The following LRRIQ1 variants were observed in gnomAD, a reference collection of about 807,000 sequenced individuals.
LRRIQ1 encodes leucine-rich repeat- and IQ domain-containing protein 1.
A neutral mutation model predicts 211.9 loss-of-function variants in LRRIQ1; 210 were observed. The observed-to-expected ratio is 0.99, with a 90% CI of 0.89 to 1.11. The LOEUF (loss-of-function observed/expected upper bound fraction) is 1.11, where lower values mean the gene tolerates loss of function less well. Among genes scored for constraint, LRRIQ1 ranks in the 50% most tolerant of loss-of-function variants. The probability of loss-of-function intolerance (pLI) is 0.00; values close to 1 mark genes in which losing one functional copy is unlikely to be tolerated. For missense variants in LRRIQ1, 2,136 were observed against 1,939.5 expected, an observed-to-expected ratio of 1.10 and a Z score of -1.90; for synonymous variants, 699 against 650.1, an observed-to-expected ratio of 1.08 and a Z score of -1.14.
intron 19 of LRRIQ1, among the ~76,000 whole-genome samples, chr12:85,138,822 A>G (rs1182104361): frequency 6.6e-6 from 1 of 151,548 alleles, no homozygotes; most frequent in African/African-American, 2.4e-5. Context: ...TCTTTCATCT[A>G]CCTATATGAC....
chr12:85,239,174 T>A (rs1895342615), intron 26 of LRRIQ1, among the ~76,000 whole-genome samples: 1 of 152,054 alleles, frequency 6.6e-6, no homozygotes, highest in Non-Finnish European at 1.5e-5. Context: ...CCCCAAATGT[T>A]CTGTAGATTC....
chr12:85,047,315 C>A lies in LRRIQ1; in HGVS notation c.523C>A (p.Gln175Lys), dbSNP rs748495987. 14 of 1,609,046 alleles carry A rather than the reference C, an allele frequency of 8.7e-6. No individual in the cohort carries two copies. Among genetic ancestry groups the A allele is most frequent in the South Asian group, 1.1e-5 (1 of 90,530 alleles). ...ATGTAGACAGTCTTTTGAGGCTTGG[C>A]AAGAGAAACAGAAGGAATTAGAAGA... ...EKCRQSFEAW[Q>K]EKQKELEDKE... The change falls in exon 6 of 27, where the codon CAA (glutamine) becomes AAA (lysine). Residue 175 changes from glutamine (Q) to lysine (K), a missense_variant. By Grantham distance (53) the Gln-to-Lys change is moderately conservative. Coordinates refer to ENST00000393217, the MANE Select transcript of LRRIQ1 (RefSeq NM_001079910.2).
At chr12:85,185,795 C>T (rs1056930331) in intron 24 of LRRIQ1, among the ~76,000 whole-genome samples, 1 of 151,876 alleles carries the variant, frequency 6.6e-6, no homozygotes, top group Non-Finnish European at 1.5e-5. Context: ...ATGAATGTTT[C>T]AGCTACCTAT....
intron 1 of LRRIQ1, among the ~76,000 whole-genome samples, chr12:85,252,693 T>A (rs1304736247): frequency 6.6e-6 from 1 of 151,918 alleles, no homozygotes; most frequent in Admixed American, 6.6e-5. Context: ...CAACAGTATA[T>A]GTTTTGAAGA....
intron 18 of LRRIQ1, 100 bp downstream of exon 18, chr12:85,128,133 C>A: frequency 1.1e-6 from 1 of 914,294 alleles, no homozygotes; most frequent in South Asian, 1.6e-5. Flanking sequence ...TCAGTGATTA[C>A]AGTTATGTAG....
intron 11 of LRRIQ1, among the ~76,000 whole-genome samples, chr12:85,097,325 G>A (rs572663720): frequency 6.6e-6 from 1 of 152,196 alleles, no homozygotes; most frequent in Admixed American, 6.5e-5. Flanking sequence ...CATGGTGGCA[G>A]GAGAGAGAGA....
At chr12:85,195,418 A>T (rs1892847142) in intron 24 of LRRIQ1, among the ~76,000 whole-genome samples, 1 of 151,676 alleles carries the variant, frequency 6.6e-6, no homozygotes, top group African/African-American at 2.4e-5. Flanking sequence ...TGATGCAAAA[A>T]TCCTCAATAA....
intron 21 of LRRIQ1, 52 bp from the exon 22 acceptor site, chr12:85,153,599 AGTTTTAAAAAGT>A: frequency 1.0e-6 from 1 of 965,768 alleles, no homozygotes; most frequent in South Asian, 1.6e-5. Context: ...AACAGTTTGT[AGTTTTAAAAAGT>A]GCTGATATAC....
At chr12:85,170,414 AG>A (rs1282849689) in intron 24 of LRRIQ1, among the ~76,000 whole-genome samples, 17 of 151,140 alleles carry the variant, frequency 1.1e-4, no homozygotes, top group Non-Finnish European at 2.1e-4. Flanking sequence ...CAAAATAAGG[AG>A]TCATATATAC....
At chr12:85,059,829 C>T (rs1881579316) in intron 8 of LRRIQ1, among the ~76,000 whole-genome samples, 2 of 151,818 alleles carry the variant, frequency 1.3e-5, no homozygotes, top group Middle Eastern at 3.4e-3. Context: ...ACATGTATCC[C>T]ATGTATACAT....
intron 6 of LRRIQ1, 62 bp from the exon 7 acceptor site, chr12:85,052,115 A>G (rs1880403628): frequency 2.1e-6 from 2 of 930,842 alleles, no homozygotes; most frequent in Admixed American, 5.2e-5. Context: ...AGAATCATAT[A>G]TAATTAACAT....
chr12:85,220,751 G>A (rs960689784), intron 24 of LRRIQ1, among the ~76,000 whole-genome samples: 14 of 150,430 alleles, frequency 9.3e-5, no homozygotes, highest in Non-Finnish European at 1.5e-4. Context: ...CCATTAACTC[G>A]TCATTTAGCA....
intron 25 of LRRIQ1, among the ~76,000 whole-genome samples, chr12:85,231,058 AAAGT>A (rs1342185340): frequency 2.0e-5 from 3 of 152,128 alleles, no homozygotes; most frequent in Non-Finnish European, 4.4e-5. Flanking sequence ...AAAAAAAAAA[AAAGT>A]AAGCCAATAT....
At chr12:85,262,932 A>G (rs1289891961) in exon 2 of LRRIQ1, 1 of 985,640 alleles carries the variant, frequency 1.0e-6, no homozygotes, top group Non-Finnish European at 1.2e-6. Flanking sequence ...AGTTAAGGGA[A>G]TACCAATATC....
intron 16 of LRRIQ1, among the ~76,000 whole-genome samples, 178 bp from the exon 17 acceptor site, chr12:85,123,892 A>T (rs1888165149): frequency 2.0e-5 from 3 of 152,148 alleles, no homozygotes; most frequent in Admixed American, 1.3e-4. Flanking sequence ...AATGTTTTCA[A>T]ATTTTGTTAT....
At chr12:85,271,034 A>T in the LRRIQ1 span, among the ~76,000 whole-genome samples, 2 of 152,214 alleles carry the variant, frequency 1.3e-5, no homozygotes, top group African/African-American at 4.8e-5. Context: ...GACGGAAGAC[A>T]CTCGTGTTCT....
At chr12:85,161,415 T>G (rs1890869748) in intron 24 of LRRIQ1, among the ~76,000 whole-genome samples, 2 of 152,080 alleles carry the variant, frequency 1.3e-5, no homozygotes, top group African/African-American at 4.8e-5. Flanking sequence ...TATAAAATTT[T>G]TATTTAGTTT....
chr12:85,152,161 C>A (rs1890288613), intron 19 of LRRIQ1, 119 bp from the exon 20 acceptor site: 10 of 735,756 alleles, frequency 1.4e-5, no homozygotes, highest in Non-Finnish European at 1.9e-5. Flanking sequence ...TAGAAAATTT[C>A]CTGTAAATAA....
chr12:85,037,274 A>G (rs753106423), intron 1 of LRRIQ1, among the ~76,000 whole-genome samples: 2 of 152,130 alleles, frequency 1.3e-5, no homozygotes, highest in African/African-American at 2.4e-5. Flanking sequence ...CAGTAGATGA[A>G]CAGAGAAAGT....
Sources: gnomAD v4.1 joint callset for allele counts (sites outside exome capture counted in the v4.1 genomes callset) on GRCh38, gnomAD v4.1.1 for gene constraint, MANE v1.5 for transcripts, NCBI Gene and HGNC (gene_info 2026-07-23, HGNC 2026-07-21) for gene names.